GREB1L: variants seen among roughly 807,000 people sequenced by gnomAD.
The protein encoded by GREB1L is GREB1-like protein.
Under a neutral mutation model 200.8 loss-of-function variants are expected in GREB1L, and 17 were observed. That is an observed-to-expected ratio of 0.08 (90% CI 0.06 to 0.13). The LOEUF (loss-of-function observed/expected upper bound fraction) is 0.13, where lower values mean the gene tolerates loss of function less well. GREB1L is among the 10% of genes least tolerant of loss of function. The pLI is 1.00. For synonymous variants in GREB1L, 789 were observed against 893.0 expected (o/e 0.88, Z 2.08); for missense variants, 1,657 against 2,367.7 (o/e 0.70, Z 6.23).
At chr18:21,386,569 T>G (rs1299231305) in intron 4 of GREB1L, among the ~76,000 whole-genome samples, 3 of 149,550 alleles carry the variant, frequency 2.0e-5, no homozygotes, top group African/African-American at 7.4e-5. Context: ...ATTATAGGCG[T>G]GAGCCACTGT....
rs2041414491 is a variant in GREB1L at position 21,403,771 on chromosome 18, G to C, written c.710-101G>C. The C allele has an allele frequency of 3.0e-5, 29 of 962,196 alleles. No individual in the cohort carries two copies. In the South Asian group the frequency reaches 4.4e-4, roughly 15 times the overall value. The allele number at this position is 962,196 out of a possible 1,614,324, so 59.6% of individuals were successfully genotyped here. A position where few individuals can be genotyped will look rare whatever the true frequency, so the allele number is the denominator to read the frequency against. ...CTAATTAAAGTGGCTGCCGCTTAAG[G>C]AGCAGCGATTTAATTTAGAGATTTT... is the stretch of plus-strand genomic sequence containing the variant. On this transcript the variant is annotated intron_variant, in intron 6 of 32. Transcript: ENST00000424526.
intron 9 of GREB1L, 68 bp from the exon 10 acceptor site, chr18:21,441,332 G>C (rs1177071845): frequency 7.7e-7 from 1 of 1,291,396 alleles, no homozygotes; most frequent in Non-Finnish European, 1.0e-6. Context: ...TATTAAAACT[G>C]CATTGCTTTC....
intron 4 of GREB1L, among the ~76,000 whole-genome samples, chr18:21,390,393 G>A (rs1316875711): frequency 1.3e-5 from 2 of 152,120 alleles, no homozygotes; most frequent in East Asian, 3.8e-4. Flanking sequence ...CTCCAAGCAT[G>A]TTTTTGCCCT....
At position 21,452,134 on chromosome 18, in the gene GREB1L, G is replaced by A; in HGVS notation, c.1901G>A (p.Ser634Asn). 2 of 1,551,638 alleles carry A rather than the reference G, an allele frequency of 1.3e-6. No individual in the cohort carries two copies. The highest frequency in any genetic ancestry group is 1.2e-5 in the South Asian group (1 of 84,032). Residue 634 changes from serine to asparagine, a missense_variant, in exon 14 of 33, where the codon AGT (serine) becomes AAT (asparagine). Ser to Asn is a conservative substitution (Grantham distance 46). Coordinates refer to ENST00000424526, the MANE Select transcript of GREB1L (RefSeq NM_001142966.3). Reference protein sequence around the residue: ...LEKMQQRRGDSVVTPFDGDLN... With the variant: ...LEKMQQRRGDNVVTPFDGDLN... ...AAAATGCAACAAAGAAGAGGAGACA[G>A]TGTGGTTACCCCTTTCGATGGAGAC...
chr18:21,467,746 C>T (rs1233410802), intron 15 of GREB1L, among the ~76,000 whole-genome samples: 3 of 152,066 alleles, frequency 2.0e-5, no homozygotes, highest in Non-Finnish European at 4.4e-5. Flanking sequence ...TGAAATGAGC[C>T]GGGCGCAGTG....
intron 1 of GREB1L, among the ~76,000 whole-genome samples, chr18:21,301,217 C>G (rs539588522): frequency 6.6e-6 from 1 of 152,302 alleles, no homozygotes; most frequent in Non-Finnish European, 1.5e-5. Context: ...GCCTCCTTAT[C>G]TATGTGCATT....
chr18:21,402,250 GA>G (rs2041345974), intron 6 of GREB1L, among the ~76,000 whole-genome samples: 1 of 151,908 alleles, frequency 6.6e-6, no homozygotes, highest in African/African-American at 2.4e-5. Context: ...TGAATCCTAA[GA>G]AAAGGATAAA....
At chr18:21,322,752 C>T (rs985792100) in intron 1 of GREB1L, among the ~76,000 whole-genome samples, 1 of 151,974 alleles carries the variant, frequency 6.6e-6, no homozygotes, top group African/African-American at 2.4e-5. Context: ...ATAGAGAAGA[C>T]CTTTCAGACC....
chr18:21,294,996 G>GT (rs1322344208), intron 1 of GREB1L, among the ~76,000 whole-genome samples: 1 of 152,096 alleles, frequency 6.6e-6, no homozygotes, highest in African/African-American at 2.4e-5. Flanking sequence ...TCTTCTATTA[G>GT]TTTTTTGTCT....
chr18:21,313,607 A>C (rs1349992309), intron 1 of GREB1L, among the ~76,000 whole-genome samples: 2 of 152,220 alleles, frequency 1.3e-5, no homozygotes, highest in Non-Finnish European at 2.9e-5. Flanking sequence ...ACCAGCAGTG[A>C]CTTAAAACAA....
intron 27 of GREB1L, among the ~76,000 whole-genome samples, chr18:21,511,334 A>G (rs2037230570): frequency 6.6e-6 from 1 of 152,136 alleles, no homozygotes; most frequent in Non-Finnish European, 1.5e-5. Flanking sequence ...GCTGCACTCC[A>G]GCCTGGGCAA....
chr18:21,286,690 C>G lies in GREB1L; in HGVS notation c.-120+44297C>G, dbSNP rs750854458. Among the ~76,000 whole-genome samples the G allele has an allele frequency of 2.6e-5, 4 of 152,296 alleles. No homozygotes were observed. In the East Asian group the frequency reaches 7.7e-4, roughly 29 times the overall value. ...GTATTATTATTATTATCATTTGGGA[C>G]AGGCACTCACTTTGTCACCCAGGCT... On this transcript the variant is annotated intron_variant, in intron 1 of 32. Coordinates refer to ENST00000424526, the MANE Select transcript of GREB1L (RefSeq NM_001142966.3).
At chr18:21,330,254 A>G (rs2145028954) in intron 1 of GREB1L, among the ~76,000 whole-genome samples, 1 of 152,304 alleles carries the variant, frequency 6.6e-6, no homozygotes, top group African/African-American at 2.4e-5. Context: ...GGCTGGCCTC[A>G]TTATTTGGAA....
intron 15 of GREB1L, among the ~76,000 whole-genome samples, 189 bp from the exon 16 acceptor site, chr18:21,472,842 A>T (rs1425388277): frequency 4.6e-5 from 7 of 152,320 alleles, no homozygotes; most frequent in Non-Finnish European, 1.0e-4. Context: ...AGTGTTACAA[A>T]GAAAAGGATA....
intron 7 of GREB1L, among the ~76,000 whole-genome samples, chr18:21,428,780 C>G (rs1352567123): frequency 4.9e-5 from 7 of 143,352 alleles, no homozygotes; most frequent in African/African-American, 1.8e-4. Flanking sequence ...TGCAATGGCA[C>G]GATCTTGGTT....
At position 21,349,238 on chromosome 18, in the gene GREB1L, G is replaced by T. The variant is rs187855971; in HGVS notation, c.-119-16789G>T. On this transcript the variant is annotated intron_variant, in intron 1 of 32. Transcript: ENST00000424526. ...CATCTAATTATGTTATTTTTTTTTT[G>T]AAAACTTCCATTGGCTTTTTCCTGC... is the stretch of plus-strand genomic sequence containing the variant. 8.9e-3 allele frequency among the ~76,000 whole-genome samples: 1,319 copies of T among 147,856 alleles called. 20 individuals carry two copies. Among genetic ancestry groups the T allele is most frequent in the African/African-American group, 0.031 (1,245 of 40,182 alleles).
chr18:21,455,169 C>T (rs982272905), intron 15 of GREB1L: 1 of 151,836 alleles, frequency 6.6e-6, no homozygotes, highest in Non-Finnish European at 1.5e-5. Context: ...TAAATAATAT[C>T]CCTTTTCAGA....
intron 1 of GREB1L, among the ~76,000 whole-genome samples, chr18:21,250,908 G>A (rs1254759161): frequency 2.6e-5 from 4 of 151,654 alleles, no homozygotes; most frequent in Middle Eastern, 3.2e-3. Context: ...ATCTAACCAC[G>A]CTAAGTCAAA....
chr18:21,398,596 G>A (rs2041183112), intron 5 of GREB1L, among the ~76,000 whole-genome samples: 1 of 152,094 alleles, frequency 6.6e-6, no homozygotes. Flanking sequence ...TGATACTCTT[G>A]TCCAAAAACT....
Sources: gnomAD v4.1 joint callset for allele counts (sites outside exome capture counted in the v4.1 genomes callset) on GRCh38, gnomAD v4.1.1 for gene constraint, MANE v1.5 for transcripts, NCBI Gene and HGNC (gene_info 2026-07-23, HGNC 2026-07-21) for gene names.